Variants in ABTB3 observed in about 807,000 individuals in gnomAD.
The protein encoded by ABTB3 is ankyrin repeat and BTB domain containing 3.
the ABTB3 span, among the ~76,000 whole-genome samples, chr12:107,473,693 C>T: frequency 9.6e-4 from 146 of 152,066 alleles, no homozygotes; most frequent in African/African-American, 3.3e-3. Context: ...TTCTTTTGCT[C>T]GACATATTTG....
the ABTB3 span, among the ~76,000 whole-genome samples, chr12:107,478,357 G>T: frequency 6.6e-6 from 1 of 152,274 alleles, no homozygotes; most frequent in Non-Finnish European, 1.5e-5. Flanking sequence ...TAGGCGAGAT[G>T]GTCAGACCCA....
At chr12:107,430,235 C>T in the ABTB3 span, among the ~76,000 whole-genome samples, 3 of 152,294 alleles carry the variant, frequency 2.0e-5, no homozygotes, top group Non-Finnish European at 4.4e-5. Flanking sequence ...TTTACCCAGT[C>T]CCCTTTTGTT....
At chr12:107,323,842 T>G in the ABTB3 span, among the ~76,000 whole-genome samples, 1 of 152,212 alleles carries the variant, frequency 6.6e-6, no homozygotes, top group African/African-American at 2.4e-5. Flanking sequence ...GCACTTTGTA[T>G]AACAGATACT....
the ABTB3 span, among the ~76,000 whole-genome samples, chr12:107,403,934 A>T: frequency 6.6e-6 from 1 of 152,098 alleles, no homozygotes; most frequent in Non-Finnish European, 1.5e-5. Flanking sequence ...AGGCCAAGGC[A>T]GGTGGATCAC....
the ABTB3 span, among the ~76,000 whole-genome samples, chr12:107,587,515 G>A: frequency 6.6e-6 from 1 of 152,174 alleles, no homozygotes; most frequent in Non-Finnish European, 1.5e-5. Context: ...TGGCGGGGGA[G>A]CAGGAATGGG....
At chr12:107,583,373 G>A in the ABTB3 span, among the ~76,000 whole-genome samples, 1 of 152,168 alleles carries the variant, frequency 6.6e-6, no homozygotes, top group Non-Finnish European at 1.5e-5. Context: ...TTGGTATCCA[G>A]GAAAAGCAGT....
chr12:107,388,172 A>G, the ABTB3 span, among the ~76,000 whole-genome samples: 3 of 151,580 alleles, frequency 2.0e-5, no homozygotes, highest in Non-Finnish European at 2.9e-5. Flanking sequence ...ATGTTTCACC[A>G]TGTTGCCCAG....
chr12:107,636,541 A>G, the ABTB3 span, among the ~76,000 whole-genome samples: 1 of 152,172 alleles, frequency 6.6e-6, no homozygotes, highest in Non-Finnish European at 1.5e-5. Context: ...AATTCATGGG[A>G]CTATTTTAAA....
At chr12:107,628,755 T>TA in the ABTB3 span, among the ~76,000 whole-genome samples, 1 of 152,212 alleles carries the variant, frequency 6.6e-6, no homozygotes, top group African/African-American at 2.4e-5. Context: ...CATATGGTGA[T>TA]ACATTCTCTT....
the ABTB3 span, among the ~76,000 whole-genome samples, chr12:107,489,249 G>A: frequency 5.3e-5 from 8 of 152,116 alleles, no homozygotes; most frequent in Non-Finnish European, 1.0e-4. Context: ...GGCTGGGCAC[G>A]GTGGCTCACA....
the ABTB3 span, among the ~76,000 whole-genome samples, chr12:107,557,052 C>T: frequency 6.6e-6 from 1 of 152,050 alleles, no homozygotes; most frequent in Non-Finnish European, 1.5e-5. Context: ...TCACTCCATC[C>T]GATTGGACAG....
At chr12:107,404,549 G>A in the ABTB3 span, among the ~76,000 whole-genome samples, 1 of 152,146 alleles carries the variant, frequency 6.6e-6, no homozygotes, top group Admixed American at 6.5e-5. Flanking sequence ...GACTGCCTTT[G>A]AAAGCGACTC....
the ABTB3 span, chr12:107,617,616 C>A: frequency 1.5e-6 from 1 of 670,126 alleles, no homozygotes; most frequent in Non-Finnish European, 2.5e-6. Flanking sequence ...CAACTCCATG[C>A]AGTGCACATC....
At chr12:107,424,877 G>A in the ABTB3 span, among the ~76,000 whole-genome samples, 234 of 152,212 alleles carry the variant, frequency 1.5e-3, 3 homozygotes, top group East Asian at 1.2e-3. Flanking sequence ...AATGGGCCAC[G>A]CCTGTTAGGT....
At chr12:107,592,988 A>G in the ABTB3 span, among the ~76,000 whole-genome samples, 2 of 152,264 alleles carry the variant, frequency 1.3e-5, no homozygotes, top group African/African-American at 4.8e-5. Context: ...GTTCTGGGAT[A>G]TGAATATGCA....
the ABTB3 span, among the ~76,000 whole-genome samples, chr12:107,359,422 C>T: frequency 6.6e-6 from 1 of 152,204 alleles, no homozygotes; most frequent in Admixed American, 6.5e-5. Context: ...AGGCTCAGGG[C>T]TCTGGGTACT....
At chr12:107,328,855 G>T in the ABTB3 span, among the ~76,000 whole-genome samples, 1 of 152,182 alleles carries the variant, frequency 6.6e-6, no homozygotes, top group Non-Finnish European at 1.5e-5. Flanking sequence ...AGGGGCGTGT[G>T]GGGTAGAGGG....
At chr12:107,484,796 T>C in the ABTB3 span, among the ~76,000 whole-genome samples, 861 of 152,268 alleles carry the variant, frequency 5.7e-3, 9 homozygotes, top group African/African-American at 0.02. Context: ...TCTGCGCTTA[T>C]TCTGGAGAAA....
At chr12:107,548,050 G>A in the ABTB3 span, among the ~76,000 whole-genome samples, 1 of 152,192 alleles carries the variant, frequency 6.6e-6, no homozygotes, top group Non-Finnish European at 1.5e-5. Context: ...AACACATGTG[G>A]AAGAACTTCA....
Sources: allele counts gnomAD v4.1 joint callset (sites outside exome capture counted in the v4.1 genomes callset), GRCh38; gene constraint gnomAD v4.1.1; transcripts MANE v1.5; gene names NCBI Gene and HGNC (gene_info 2026-07-23, HGNC 2026-07-21).